Variants in GABRG3 observed in about 807,000 individuals in gnomAD.
GABRG3 encodes the protein gamma-aminobutyric acid receptor subunit gamma-3.
A neutral mutation model predicts 48.8 loss-of-function variants in GABRG3; 25 were observed. The observed-to-expected ratio is 0.51, with a 90% CI of 0.37 to 0.72. The LOEUF (loss-of-function observed/expected upper bound fraction) is 0.72. Among genes scored for constraint, GABRG3 ranks in the 30% least tolerant of loss-of-function variants. The pLI, the probability that GABRG3 is intolerant of heterozygous loss-of-function variation, is 0.00. For synonymous variants in GABRG3, 227 were observed against 217.6 expected, an observed-to-expected ratio of 1.04 and a Z score of -0.38; for missense variants, 394 against 577.9, an observed-to-expected ratio of 0.68 and a Z score of 3.26.
intron 3 of GABRG3, among the ~76,000 whole-genome samples, chr15:27,282,763 A>C (rs1218970478): frequency 6.6e-6 from 1 of 152,094 alleles, no homozygotes; most frequent in Non-Finnish European, 1.5e-5. Flanking sequence ...TTGAGATAGC[A>C]TGAGTTAGCA....
At chr15:27,452,634 C>G (rs941871925) in intron 5 of GABRG3, among the ~76,000 whole-genome samples, 1 of 152,186 alleles carries the variant, frequency 6.6e-6, no homozygotes, top group Non-Finnish European at 1.5e-5. Flanking sequence ...AGTGGATCAT[C>G]ATAGAGGTCT....
At chr15:27,417,697 T>C (rs1260531540) in intron 5 of GABRG3, among the ~76,000 whole-genome samples, 1 of 152,196 alleles carries the variant, frequency 6.6e-6, no homozygotes, top group African/African-American at 2.4e-5. Flanking sequence ...CTCTGTCATT[T>C]CAGCAACAAG....
rs909348141 is a variant in GABRG3 at position 27,539,961 on chromosome 15, T to C, written c.*7080T>C. 1.3e-5 allele frequency: 2 copies of C among 152,232 alleles called. No homozygotes were observed. Among genetic ancestry groups the C allele is most frequent in the African/African-American group, 4.8e-5 (2 of 41,462 alleles). The allele number at this position is 152,232 out of a possible 1,614,324, so 9.4% of individuals were successfully genotyped here. A position where few individuals can be genotyped will look rare whatever the true frequency, so the allele number is the denominator to read the frequency against. ...TTTTAGATGAAGTACATCTACATCA[T>C]AACCATCATCACCCTCATTGTCCTC... On this transcript the variant is annotated 3_prime_UTR_variant, in exon 10 of 10. Coordinates refer to ENST00000615808, the MANE Select transcript of GABRG3 (RefSeq NM_033223.5).
chr15:27,000,891 T>G (rs1895433068), intron 2 of GABRG3, among the ~76,000 whole-genome samples: 1 of 152,230 alleles, frequency 6.6e-6, no homozygotes, highest in South Asian at 2.1e-4. Context: ...ATAAAAGCCC[T>G]GTGAATTTTG....
chr15:27,217,759 C>T (rs925083921), intron 3 of GABRG3, among the ~76,000 whole-genome samples: 13 of 152,210 alleles, frequency 8.5e-5, no homozygotes, highest in African/African-American at 3.1e-4. Flanking sequence ...CATAGGCACA[C>T]ATAGTGTCAA....
Position 27,101,616 on chromosome 15 carries a change from A to G in GABRG3, c.270+74795A>G, listed in dbSNP as rs1167661566. On this transcript the variant is annotated intron_variant, in intron 3 of 9. Transcript: ENST00000615808. ...ATAGATCTGAATGGAGAATCCAGAA[A>G]TGAACCCATGCAATTACATCGACCT... Among the ~76,000 whole-genome samples the G allele has an allele frequency of 2.0e-5, 3 of 152,190 alleles. No individual in the cohort carries two copies. In the South Asian group the frequency reaches 6.2e-4, roughly 32 times the overall value.
chr15:27,401,672 G>A (rs781649994), intron 5 of GABRG3, among the ~76,000 whole-genome samples: 10 of 151,974 alleles, frequency 6.6e-5, no homozygotes, highest in East Asian at 3.9e-4. Flanking sequence ...ATGCTCTCGC[G>A]ACCATAGTTA....
At chr15:27,318,270 A>T (rs1211208226) in intron 3 of GABRG3, among the ~76,000 whole-genome samples, 2 of 151,928 alleles carry the variant, frequency 1.3e-5, no homozygotes, top group African/African-American at 4.8e-5. Context: ...AAGCCACGTC[A>T]TTTTTTTTCT....
rs557725288 is a variant in GABRG3 at position 27,348,519 on chromosome 15, G to A, written c.574+19631G>A. 2.9e-4 allele frequency among the ~76,000 whole-genome samples: 44 copies of A among 152,206 alleles called. 1 individual carries two copies. Among genetic ancestry groups the A allele is most frequent in the African/African-American group, 1.0e-3 (43 of 41,514 alleles). The stretch of plus-strand genomic sequence containing the variant: ...TTCAGATAGGGATACTGAGGTTCAG[G>A]GTACATAAGTAACTTGTTCAAGGTT... On this transcript the variant is annotated intron_variant, in intron 5 of 9. Transcript: ENST00000615808.
At chr15:27,244,252 T>C (rs1372820851) in intron 3 of GABRG3, among the ~76,000 whole-genome samples, 1 of 152,138 alleles carries the variant, frequency 6.6e-6, no homozygotes, top group Non-Finnish European at 1.5e-5. Context: ...TGAAATATGT[T>C]AACAGGTCTA....
At chr15:27,523,639 A>T (rs1282644910) in intron 7 of GABRG3, among the ~76,000 whole-genome samples, 1 of 151,962 alleles carries the variant, frequency 6.6e-6, no homozygotes, top group Non-Finnish European at 1.5e-5. Flanking sequence ...TAAATGAAAA[A>T]ATAGAAAAGC....
intron 3 of GABRG3, among the ~76,000 whole-genome samples, chr15:27,312,891 A>C (rs78159599): frequency 1.3e-5 from 2 of 151,864 alleles, no homozygotes; most frequent in Admixed American, 6.6e-5. Flanking sequence ...TAATAATGGT[A>C]GGTAAATCAC....
intron 5 of GABRG3, among the ~76,000 whole-genome samples, chr15:27,476,007 A>G (rs1889930647): frequency 6.6e-6 from 1 of 152,194 alleles, no homozygotes; most frequent in Non-Finnish European, 1.5e-5. Flanking sequence ...CTACATTATA[A>G]TGAACCAAGG....
chr15:27,048,851 C>G (rs1896408379), intron 3 of GABRG3, among the ~76,000 whole-genome samples: 1 of 125,638 alleles, frequency 8.0e-6, no homozygotes, highest in Non-Finnish European at 1.8e-5. Context: ...CCATCTCTGA[C>G]TGTATCTCCC....
intron 6 of GABRG3, chr15:27,483,258 G>A (rs779837323): frequency 2.6e-5 from 4 of 152,116 alleles, no homozygotes; most frequent in Non-Finnish European, 4.4e-5. Flanking sequence ...GGCCTCTCTC[G>A]TCGGCTTGCA....
At chr15:27,056,370 A>G (rs1035322312) in intron 3 of GABRG3, among the ~76,000 whole-genome samples, 8 of 148,778 alleles carry the variant, frequency 5.4e-5, no homozygotes, top group Non-Finnish European at 1.2e-4. Flanking sequence ...AAAAAAAAAA[A>G]AAAGAAAAGA....
chr15:27,124,241 G>C (rs1006281383), intron 3 of GABRG3, among the ~76,000 whole-genome samples: 5 of 152,182 alleles, frequency 3.3e-5, no homozygotes, highest in Non-Finnish European at 7.3e-5. Context: ...ATAACTTGTG[G>C]AAGGGGATCA....
chr15:27,445,348 T>C (rs1888913000), intron 5 of GABRG3, among the ~76,000 whole-genome samples: 1 of 152,200 alleles, frequency 6.6e-6, no homozygotes, highest in Non-Finnish European at 1.5e-5. Flanking sequence ...TGAGCAGTTT[T>C]CATTTTTGAT....
chr15:27,503,365 T>C (rs1890688303), intron 6 of GABRG3, among the ~76,000 whole-genome samples: 1 of 152,202 alleles, frequency 6.6e-6, no homozygotes, highest in African/African-American at 2.4e-5. Context: ...GATCACCACA[T>C]GGGCCTCTCA....
Sources: gnomAD v4.1 joint callset for allele counts (sites outside exome capture counted in the v4.1 genomes callset) on GRCh38, gnomAD v4.1.1 for gene constraint, MANE v1.5 for transcripts, NCBI Gene and HGNC (gene_info 2026-07-23, HGNC 2026-07-21) for gene names.